The following AMMECR1L variants were observed in gnomAD, a reference collection of about 807,000 sequenced individuals.
AMMECR1L encodes AMMECR1 like.
A neutral mutation model predicts 36.8 loss-of-function variants in AMMECR1L; 4 were observed. The observed-to-expected ratio is 0.11, with a 90% CI of 0.05 to 0.25. The LOEUF (loss-of-function observed/expected upper bound fraction) is 0.25. Ranked by LOEUF, AMMECR1L falls within the 10% of genes least tolerant of loss-of-function variation. The pLI is 1.00. For synonymous variants in AMMECR1L, 147 were observed against 148.0 expected, an observed-to-expected ratio of 0.99 and a Z score of 0.05; for missense variants, 232 against 392.1, an observed-to-expected ratio of 0.59 and a Z score of 3.45.
Position 127,868,181 on chromosome 2 carries a change from T to TA in AMMECR1L, c.725-1186dup, listed in dbSNP as rs1690785129. On this transcript the variant is annotated intron_variant, in intron 6 of 7. Transcript: ENST00000272647. ...CGTGCCCAGCCTCATTCTTAACAGA[T>TA]AAAACCAACTTCATCAAATTGAAAA... is the stretch of plus-strand genomic sequence containing the variant. Among the ~76,000 whole-genome samples the TA allele has an allele frequency of 3.3e-5, 5 of 152,320 alleles. No homozygotes were observed. In the South Asian group the frequency reaches 1.0e-3, roughly 32 times the overall value.
intron 6 of AMMECR1L, among the ~76,000 whole-genome samples, chr2:127,867,622 T>C (rs1255745787): frequency 6.6e-6 from 1 of 152,064 alleles, no homozygotes; most frequent in African/African-American, 2.4e-5. Context: ...GGGATGCGCC[T>C]GTAGTCCCAG....
intron 2 of AMMECR1L, among the ~76,000 whole-genome samples, chr2:127,876,150 A>T (rs1294134259): frequency 2.0e-5 from 3 of 150,302 alleles, no homozygotes; most frequent in African/African-American, 4.9e-5. Context: ...GGAGTTTGAG[A>T]CCAGTATAGG....
intron 2 of AMMECR1L, among the ~76,000 whole-genome samples, chr2:127,879,736 T>C (rs929169928): frequency 3.3e-5 from 5 of 152,136 alleles, no homozygotes; most frequent in African/African-American, 1.2e-4. Context: ...ACTAAGTAGT[T>C]CCCGACTCAG....
chr2:127,867,356 G>C (rs1262138899), intron 6 of AMMECR1L: 1 of 960,346 alleles, frequency 1.0e-6, no homozygotes, highest in Non-Finnish European at 1.2e-6. Flanking sequence ...TGTGGGAAGA[G>C]AGGAATTTAA....
At position 127,874,294 on chromosome 2, in the gene AMMECR1L, G is replaced by A; in HGVS notation, c.-38-22C>T. 1.3e-6 allele frequency: 2 copies of A among 1,579,402 alleles called. No individual in the cohort carries two copies. The highest frequency in any genetic ancestry group is 1.7e-6 in the Non-Finnish European group (2 of 1,168,148). Reference sequence around the variant, plus strand: ...AACCCTAACCAAAATGAGAAGTTAAGCATTAATTTGACTGGTTAGTTAAAA... The same window carrying A: ...AACCCTAACCAAAATGAGAAGTTAAACATTAATTTGACTGGTTAGTTAAAA... On this transcript the variant is annotated intron_variant, in intron 2 of 7. Coordinates refer to ENST00000272647, the MANE Select transcript of AMMECR1L (RefSeq NM_001199140.2). The surrounding 1 kb of genome is among the most constrained non-coding windows in gnomAD (Gnocchi z 5.2).
In AMMECR1L at chr2:127,869,619, A is replaced by G. The variant is rs1573541643; in HGVS notation, c.634-75T>C. 4.8e-6 allele frequency: 6 copies of G among 1,248,648 alleles called. No individual in the cohort carries two copies. The East Asian group carries it at 1.4e-4, about 29-fold the overall frequency. 77.3% of individuals were successfully genotyped at this position (1,248,648 alleles called of 1,614,324 possible). A position where few individuals can be genotyped will look rare whatever the true frequency, so the allele number is the denominator to read the frequency against. On this transcript the variant is annotated intron_variant, in intron 5 of 7. Transcript: ENST00000272647. The surrounding 1 kb of genome is among the most constrained non-coding windows in gnomAD (Gnocchi z 4.7). ...AACTTCAGTCCCCACATATAAATCA[A>G]CATTGTTCCCTGACCAGCTTAACAC...
intron 2 of AMMECR1L, among the ~76,000 whole-genome samples, chr2:127,879,805 G>GT (rs1194148044): frequency 6.6e-6 from 1 of 152,180 alleles, no homozygotes; most frequent in Non-Finnish European, 1.5e-5. Flanking sequence ...GCCCGGCTTT[G>GT]TGAGTACTAG....
chr2:127,862,366 G>A lies in AMMECR1L; in HGVS notation c.*2728C>T, dbSNP rs186916376. 6.5e-6 allele frequency: 1 copy of A among 153,892 alleles called. No homozygotes were observed. The highest frequency in any genetic ancestry group is 2.4e-5 in the African/African-American group (1 of 41,554). 9.5% of individuals were successfully genotyped at this position (153,892 alleles called of 1,614,324 possible). A position where few individuals can be genotyped will look rare whatever the true frequency, so the allele number is the denominator to read the frequency against. On this transcript the variant is annotated 3_prime_UTR_variant, in exon 8 of 8. Coordinates refer to ENST00000272647, the MANE Select transcript of AMMECR1L (RefSeq NM_001199140.2). ...TTTAAACCTACCACGCACACCGCAG[G>A]TACTGGCCGCCCTCATCACTGCTTT...
At chr2:127,876,711 T>C (rs1474300583) in intron 2 of AMMECR1L, among the ~76,000 whole-genome samples, 1 of 152,060 alleles carries the variant, frequency 6.6e-6, no homozygotes, top group Non-Finnish European at 1.5e-5. Flanking sequence ...TTAGGTGAAT[T>C]AAATGAGTTT....
At chr2:127,867,128 C>A (rs1471170281) in intron 6 of AMMECR1L, 132 bp from the exon 7 acceptor site, 4 of 1,489,394 alleles carry the variant, frequency 2.7e-6, no homozygotes, top group East Asian at 4.8e-5. Flanking sequence ...AAGCCCTGGG[C>A]ACTGACCCCC....
At chr2:127,866,660 C>G (rs1374104479) in intron 7 of AMMECR1L, among the ~76,000 whole-genome samples, 6 of 152,214 alleles carry the variant, frequency 3.9e-5, no homozygotes, top group Non-Finnish European at 8.8e-5. Flanking sequence ...AAGCCATCCA[C>G]AGCCTGCAGG....
At chr2:127,881,578 T>C (rs188003484) in intron 2 of AMMECR1L, among the ~76,000 whole-genome samples, 50 of 152,336 alleles carry the variant, frequency 3.3e-4, no homozygotes, top group South Asian at 1.0e-3. Flanking sequence ...CTCTGTGGAC[T>C]TGGGCTCCTG....
At position 127,869,444 on chromosome 2, in the gene AMMECR1L, T is replaced by C. The variant is rs1306065165; in HGVS notation, c.724+10A>G. On this transcript the variant is annotated intron_variant, in intron 6 of 7. Transcript: ENST00000272647. This position sits in a 1 kb window ranked among gnomAD's most constrained non-coding sequence, Gnocchi z 4.7. Reference sequence around the variant, plus strand: ...ATACTTGTCATTAAAATCCCATTCATCCAACTCACCTTGTTCCTTAGCAAC... The same window carrying C: ...ATACTTGTCATTAAAATCCCATTCACCCAACTCACCTTGTTCCTTAGCAAC... 1 of 1,605,170 alleles carries C rather than the reference T, an allele frequency of 6.2e-7. No homozygotes were observed. Among genetic ancestry groups the C allele is most frequent in the Admixed American group, 1.7e-5 (1 of 59,992 alleles).
chr2:127,866,305 A>G (rs1396584584), intron 7 of AMMECR1L, among the ~76,000 whole-genome samples: 11 of 152,154 alleles, frequency 7.2e-5, no homozygotes. Context: ...AGCCTCAAAC[A>G]ACTCTAAGGT....
intron 3 of AMMECR1L, among the ~76,000 whole-genome samples, chr2:127,872,775 C>A (rs1384804635): frequency 3.3e-5 from 5 of 152,222 alleles, no homozygotes; most frequent in African/African-American, 1.2e-4. Flanking sequence ...ATCACCTGTT[C>A]TTCCAAACTG....
rs200323463 is a variant in AMMECR1L, at chr2:127,871,330, C to T, written c.437G>A (p.Arg146Gln). The T allele has an allele frequency of 8.7e-6, 14 of 1,613,928 alleles. No homozygotes were observed. The highest frequency in any genetic ancestry group is 2.7e-5 in the African/African-American group (2 of 74,886). Reference sequence around the variant, plus strand: ...AATGCAGCCACGAAGCCGCTTGTCCCGCCCTGTCTTCCACGTCACAAAGAG... The same window carrying T: ...AATGCAGCCACGAAGCCGCTTGTCCTGCCCTGTCTTCCACGTCACAAAGAG... The part of the protein sequence containing the change: ...YPLFVTWKTG[R>Q]DKRLRGCIGT... The change falls in exon 4 of 8, where the codon CGG becomes CAG. Residue 146 changes from arginine to glutamine, a missense_variant. By Grantham distance (43) the Arg-to-Gln change is conservative. This residue lies in a region of AMMECR1L where 83 missense variants were observed against 229.5 expected (regional missense o/e 0.36). Transcript: ENST00000272647. The surrounding 1 kb of genome is among the most constrained non-coding windows in gnomAD (Gnocchi z 4.3).
At position 127,871,690 on chromosome 2, in the gene AMMECR1L, C is replaced by T. The variant is rs779635650; in HGVS notation, c.408-331G>A. Reference sequence around the variant, plus strand: ...ACTTTTCCTTCGAATTCTCCAGTTTCCTCTTCCCTAAGTCTATTTATCCAG... The same window carrying T: ...ACTTTTCCTTCGAATTCTCCAGTTTTCTCTTCCCTAAGTCTATTTATCCAG... On this transcript the variant is annotated intron_variant, in intron 3 of 7. Transcript: ENST00000272647. This position sits in a 1 kb window ranked among gnomAD's most constrained non-coding sequence, Gnocchi z 4.3. 1.3e-5 allele frequency among the ~76,000 whole-genome samples: 2 copies of T among 152,238 alleles called. No individual in the cohort carries two copies. The highest frequency in any genetic ancestry group is 6.8e-3 in the Middle Eastern group (2 of 294).
In AMMECR1L at chr2:127,871,977, T is replaced by A. The variant is rs1446689207; in HGVS notation, c.408-618A>T. ...GCCAAGGTGGGCGGATCACTTGAGG[T>A]AAGGAGTTCTAGACCAGCCTGGTCA... On this transcript the variant is annotated intron_variant, in intron 3 of 7. Coordinates refer to ENST00000272647, the MANE Select transcript of AMMECR1L (RefSeq NM_001199140.2). This position sits in a 1 kb window ranked among gnomAD's most constrained non-coding sequence, Gnocchi z 4.3. Among the ~76,000 whole-genome samples, 1 of 151,888 alleles carries A rather than the reference T, an allele frequency of 6.6e-6. No individual in the cohort carries two copies. Among genetic ancestry groups the A allele is most frequent in the Non-Finnish European group, 1.5e-5 (1 of 67,974 alleles).
In AMMECR1L at chr2:127,871,989, G is replaced by C. The variant is rs1362500679; in HGVS notation, c.408-630C>G. Reference sequence around the variant, plus strand: ...GGATCACTTGAGGTAAGGAGTTCTAGACCAGCCTGGTCATCATGGCGAAAC... The same window carrying C: ...GGATCACTTGAGGTAAGGAGTTCTACACCAGCCTGGTCATCATGGCGAAAC... On this transcript the variant is annotated intron_variant, in intron 3 of 7. Transcript: ENST00000272647. This position sits in a 1 kb window ranked among gnomAD's most constrained non-coding sequence, Gnocchi z 4.3. 6.6e-6 allele frequency among the ~76,000 whole-genome samples: 1 copy of C among 152,082 alleles called. No homozygotes were observed. The highest frequency in any genetic ancestry group is 1.5e-5 in the Non-Finnish European group (1 of 68,026).
Sources: allele counts gnomAD v4.1 joint callset (sites outside exome capture counted in the v4.1 genomes callset), GRCh38; gene constraint gnomAD v4.1.1; regional missense constraint gnomAD v4.1.1; non-coding constraint Gnocchi (gnomAD v3.1); transcripts MANE v1.5; gene names NCBI Gene and HGNC (gene_info 2026-07-23, HGNC 2026-07-21).